Variants in SGCZ observed in about 807,000 individuals in gnomAD.
SGCZ encodes the protein zeta-sarcoglycan.
In SGCZ, 40 loss-of-function variants were observed where a neutral mutation model predicts 41.3. The ratio of observed to expected loss-of-function variants is 0.97; its 90% CI spans 0.75 to 1.26. The LOEUF (loss-of-function observed/expected upper bound fraction) is 1.26, where lower values mean the gene tolerates loss of function less well. Among genes scored for constraint, SGCZ ranks in the 50% most tolerant of loss-of-function variants. SGCZ has a pLI of 0.00. For synonymous variants in SGCZ, 206 were observed against 137.5 expected (o/e 1.50, Z -3.49); for missense variants, 552 against 369.8 (o/e 1.49, Z -4.04).
intron 1 of SGCZ, among the ~76,000 whole-genome samples, chr8:14,883,103 C>T (rs144414374): frequency 2.6e-5 from 4 of 151,988 alleles, no homozygotes; most frequent in South Asian, 2.1e-4. Flanking sequence ...TACATGGTCT[C>T]TTCTCCTGTT....
At chr8:14,211,527 A>T (rs1312915642) in intron 4 of SGCZ, among the ~76,000 whole-genome samples, 1 of 152,154 alleles carries the variant, frequency 6.6e-6, no homozygotes, top group Non-Finnish European at 1.5e-5. Context: ...ATTTATGAAG[A>T]AAAGCTTTAA....
At chr8:14,435,200 A>C (rs1800054691) in intron 2 of SGCZ, among the ~76,000 whole-genome samples, 1 of 152,156 alleles carries the variant, frequency 6.6e-6, no homozygotes, top group African/African-American at 2.4e-5. Context: ...AAACTGTAAA[A>C]CGGTTAAATT....
intron 1 of SGCZ, among the ~76,000 whole-genome samples, chr8:14,632,255 T>C (rs1563166683): frequency 6.6e-6 from 1 of 152,018 alleles, no homozygotes; most frequent in Non-Finnish European, 1.5e-5. Flanking sequence ...ACTCCTGAGC[T>C]CATGTGATTC....
intron 1 of SGCZ, among the ~76,000 whole-genome samples, chr8:15,186,443 G>A (rs73527491): frequency 0.021 from 3,257 of 152,124 alleles, 102 homozygotes; most frequent in African/African-American, 0.072. Context: ...TGTAAAAACT[G>A]TAATCAGTAT....
At chr8:14,702,867 AGATAGATAGATAGAT>A (rs1279439092) in intron 1 of SGCZ, among the ~76,000 whole-genome samples, 19 of 149,886 alleles carry the variant, frequency 1.3e-4, no homozygotes, top group Admixed American at 7.3e-4. Context: ...ATAGATAGAT[AGATAGATAGATAGAT>A]AAAAAGATAG....
intron 1 of SGCZ, among the ~76,000 whole-genome samples, chr8:14,672,042 C>T (rs949153016): frequency 2.0e-5 from 3 of 151,976 alleles, no homozygotes; most frequent in East Asian, 1.9e-4. Context: ...TCTTAGCTAC[C>T]GACCCAGAAG....
intron 2 of SGCZ, among the ~76,000 whole-genome samples, chr8:14,332,353 A>C (rs1036216055): frequency 6.6e-6 from 1 of 152,130 alleles, no homozygotes; most frequent in Admixed American, 6.5e-5. Flanking sequence ...GGGCAGGAGA[A>C]TGGTGTGAAC....
At chr8:14,414,836 A>G (rs1331209193) in intron 2 of SGCZ, among the ~76,000 whole-genome samples, 1 of 151,972 alleles carries the variant, frequency 6.6e-6, no homozygotes, top group Non-Finnish European at 1.5e-5. Flanking sequence ...ATTAAACACC[A>G]TGAAATTGTG....
intron 2 of SGCZ, among the ~76,000 whole-genome samples, chr8:14,452,097 G>C (rs1275027794): frequency 6.6e-6 from 1 of 152,180 alleles, no homozygotes; most frequent in African/African-American, 2.4e-5. Flanking sequence ...TTCAGTAGAT[G>C]AGTGGATACA....
At chr8:14,605,093 C>G (rs1037888953) in intron 1 of SGCZ, among the ~76,000 whole-genome samples, 8 of 152,172 alleles carry the variant, frequency 5.3e-5, no homozygotes, top group Non-Finnish European at 1.2e-4. Context: ...GGGCTACATC[C>G]TGGCTCCCGT....
At chr8:15,106,782 G>C (rs1029257719) in intron 1 of SGCZ, among the ~76,000 whole-genome samples, 2 of 151,980 alleles carry the variant, frequency 1.3e-5, no homozygotes, top group Non-Finnish European at 2.9e-5. Flanking sequence ...AAATGTGGTG[G>C]TGATAGTACT....
At chr8:14,900,853 C>A (rs1443868753) in intron 1 of SGCZ, among the ~76,000 whole-genome samples, 1 of 152,072 alleles carries the variant, frequency 6.6e-6, no homozygotes, top group Non-Finnish European at 1.5e-5. Context: ...CCCATATTGG[C>A]CTACTATAGA....
chr8:14,401,150 C>G (rs1309897070), intron 2 of SGCZ, among the ~76,000 whole-genome samples: 1 of 152,138 alleles, frequency 6.6e-6, no homozygotes, highest in African/African-American at 2.4e-5. Context: ...CTAGATTAAT[C>G]TTGTCCAAAC....
Position 15,215,193 on chromosome 8 carries a change from G to C in SGCZ, c.39+22392C>G, listed in dbSNP as rs150084843. On this transcript the variant is annotated intron_variant, in intron 1 of 7. Coordinates refer to ENST00000382080, the MANE Select transcript of SGCZ (RefSeq NM_139167.4). ...TGTGGCATCCTGTGGCATTAAACTA[G>C]ATATATCACAGTTACAAAGATAATT... Among the ~76,000 whole-genome samples the C allele has an allele frequency of 3.0e-3, 456 of 152,232 alleles. 2 individuals carry two copies. The highest frequency in any genetic ancestry group is 0.014 in the Middle Eastern group (4 of 294).
At chr8:14,254,923 A>T (rs1541770) in intron 3 of SGCZ, among the ~76,000 whole-genome samples, 102,115 of 152,000 alleles carry the variant, frequency 0.67, 34,671 homozygotes, top group South Asian at 0.8. Flanking sequence ...ACAAAGTTCA[A>T]AATCTCTTCC....
At chr8:14,996,539 G>A (rs1802226602) in intron 1 of SGCZ, among the ~76,000 whole-genome samples, 1 of 152,160 alleles carries the variant, frequency 6.6e-6, no homozygotes, top group South Asian at 2.1e-4. Context: ...GTAGCTGGGA[G>A]TACAGGTGCA....
chr8:14,909,448 A>C (rs1192165910), intron 1 of SGCZ, among the ~76,000 whole-genome samples: 1 of 151,864 alleles, frequency 6.6e-6, no homozygotes, highest in East Asian at 1.9e-4. Flanking sequence ...TTTTTATATA[A>C]ATTTTGTTTC....
intron 2 of SGCZ, among the ~76,000 whole-genome samples, chr8:14,360,061 T>C (rs1803452918): frequency 6.6e-6 from 1 of 152,138 alleles, no homozygotes; most frequent in African/African-American, 2.4e-5. Flanking sequence ...AAATTCAAGA[T>C]ACTTTCTTGA....
chr8:14,878,709 G>A (rs1220411614), intron 1 of SGCZ, among the ~76,000 whole-genome samples: 1 of 152,200 alleles, frequency 6.6e-6, no homozygotes, highest in African/African-American at 2.4e-5. Context: ...AATGATTCCT[G>A]TGGTGTCTAA....
Sources: gnomAD v4.1 joint callset for allele counts (sites outside exome capture counted in the v4.1 genomes callset) on GRCh38, gnomAD v4.1.1 for gene constraint, MANE v1.5 for transcripts, NCBI Gene and HGNC (gene_info 2026-07-23, HGNC 2026-07-21) for gene names.